Variants in POLR1A observed in about 807,000 individuals in gnomAD.
POLR1A encodes DNA-directed RNA polymerase I subunit RPA1.
POLR1A carries 84 observed loss-of-function variants against 205.3 expected under a neutral mutation model. That is an observed-to-expected ratio of 0.41 (90% CI 0.34 to 0.49). The LOEUF (loss-of-function observed/expected upper bound fraction) is 0.49. POLR1A is among the 20% of genes least tolerant of loss of function. The probability of loss-of-function intolerance (pLI) is 0.22; values close to 1 mark genes in which losing one functional copy is unlikely to be tolerated. For missense variants in POLR1A, 1,645 were observed against 2,204.5 expected (o/e 0.75, Z 5.08); for synonymous variants, 799 against 863.7 (o/e 0.93, Z 1.31).
At chr2:86,079,306 C>A (rs1006791539) in intron 9 of POLR1A, among the ~76,000 whole-genome samples, 4 of 152,204 alleles carry the variant, frequency 2.6e-5, no homozygotes, top group African/African-American at 9.6e-5. Context: ...GTTAGCCCAA[C>A]TCACTGCTCA....
rs761741834 is a variant in POLR1A, at chr2:86,070,001, C to CTCAA, written c.1866+13_1866+16dup. On this transcript the variant is annotated intron_variant, in intron 13 of 33. Coordinates refer to ENST00000263857, the MANE Select transcript of POLR1A (RefSeq NM_015425.6). This position sits in a 1 kb window ranked among gnomAD's most constrained non-coding sequence, Gnocchi z 4.4. ...ATGCTGACGATGACCACGGAACAGCCTCAAGGCCAGACCTACCTTGGGAAC... is the reference window on the plus strand; with the variant it reads ...ATGCTGACGATGACCACGGAACAGCCTCAATCAAGGCCAGACCTACCTTGGGAAC... The CTCAA allele has an allele frequency of 1.2e-6, 2 of 1,608,486 alleles. No homozygotes were observed. The highest frequency in any genetic ancestry group is 2.2e-5 in the South Asian group (2 of 90,906).
In POLR1A at chr2:86,074,776, C is replaced by T. The variant is rs3770076; in HGVS notation, c.1611+254G>A. On this transcript the variant is annotated intron_variant, in intron 12 of 33. Coordinates refer to ENST00000263857, the MANE Select transcript of POLR1A (RefSeq NM_015425.6). ...AATTCAGTAGAGGTGGGGGGATGTGCATTGCTCACAAGCTCCAGGGCTGCT... is the reference window on the plus strand; with the variant it reads ...AATTCAGTAGAGGTGGGGGGATGTGTATTGCTCACAAGCTCCAGGGCTGCT... Among the ~76,000 whole-genome samples the T allele has an allele frequency of 6.4e-3, 971 of 152,264 alleles. 24 individuals are homozygous for T. In the East Asian group the frequency reaches 0.097, roughly 15 times the overall value.
At chr2:86,078,970 A>G (rs1673347063) in intron 9 of POLR1A, among the ~76,000 whole-genome samples, 1 of 152,102 alleles carries the variant, frequency 6.6e-6, no homozygotes, top group Non-Finnish European at 1.5e-5. Context: ...AGCACCACCT[A>G]TTGATACTGT....
At chr2:86,058,353 C>T (rs1672936613) in intron 14 of POLR1A, among the ~76,000 whole-genome samples, 1 of 150,584 alleles carries the variant, frequency 6.6e-6, no homozygotes, top group African/African-American at 2.4e-5. Flanking sequence ...GCCGCCTTGG[C>T]CTCCCAAAGT....
intron 9 of POLR1A, among the ~76,000 whole-genome samples, chr2:86,079,878 A>G (rs1366496508): frequency 6.6e-6 from 1 of 152,126 alleles, no homozygotes; most frequent in Non-Finnish European, 1.5e-5. Flanking sequence ...CCCGATTTTT[A>G]AGGGACATCA....
rs961459803 is a variant in POLR1A at position 86,082,484 on chromosome 2, G to A, written c.817+598C>T. Among the ~76,000 whole-genome samples, 31 of 150,686 alleles carry A rather than the reference G, an allele frequency of 2.1e-4. 2 individuals are homozygous for A. Among genetic ancestry groups the A allele is most frequent in the Admixed American group, 2.0e-3 (31 of 15,140 alleles). ...CTGGTTACTTTAAAAAATGCCTAGA[G>A]AAAAAGATTAAAATGTACTAGGGCC... On this transcript the variant is annotated intron_variant, in intron 7 of 33. Coordinates refer to ENST00000263857, the MANE Select transcript of POLR1A (RefSeq NM_015425.6).
chr2:86,097,234 A>AAAAAAAAAAAAC (rs1673721571), intron 3 of POLR1A, among the ~76,000 whole-genome samples: 1 of 147,710 alleles, frequency 6.8e-6, no homozygotes, highest in Non-Finnish European at 1.5e-5. Flanking sequence ...AAAAAAAAAA[A>AAAAAAAAAAAAC]AAAAAAAAGC....
At chr2:86,050,401 T>A (rs1558769031) in intron 16 of POLR1A, among the ~76,000 whole-genome samples, 1 of 152,140 alleles carries the variant, frequency 6.6e-6, no homozygotes, top group Non-Finnish European at 1.5e-5. Flanking sequence ...AAGAAACAGT[T>A]CCTCTGTAAG....
chr2:86,044,015 C>G, intron 22 of POLR1A, 124 bp downstream of exon 22: 1 of 842,964 alleles, frequency 1.2e-6, no homozygotes, highest in Non-Finnish European at 1.9e-6. Context: ...CTTATAAACC[C>G]TTCCCACTCT....
At chr2:86,082,359 T>C (rs565464803) in intron 7 of POLR1A, among the ~76,000 whole-genome samples, 4 of 152,232 alleles carry the variant, frequency 2.6e-5, no homozygotes, top group African/African-American at 9.6e-5. Context: ...ATAAAAAATA[T>C]GTTGAATAAA....
Position 86,031,432 on chromosome 2 carries a change from G to C in POLR1A, c.4476C>G (p.Pro1492=). 1.2e-6 allele frequency: 2 copies of C among 1,614,092 alleles called. No homozygotes were observed. The highest frequency in any genetic ancestry group is 1.7e-6 in the Non-Finnish European group (2 of 1,179,982). The change falls in exon 30 of 34, where the codon CCC becomes CCG. Residue 1492 remains proline (P), a synonymous_variant. Coordinates refer to ENST00000263857, the MANE Select transcript of POLR1A (RefSeq NM_015425.6). ...QPRKPTHSQE[P]QGPEAMERRV... is the part of the protein sequence containing the mutation. Reference sequence around the variant, plus strand: ...GGCGCTCCATGGCCTCGGGCCCCTGGGGCTCCTGGCTGTGGGTGGGTTTCC... The same window carrying C: ...GGCGCTCCATGGCCTCGGGCCCCTGCGGCTCCTGGCTGTGGGTGGGTTTCC...
rs1011690564 is a variant in POLR1A, at chr2:86,021,828, G to T, written c.*5595C>A. 1 of 152,178 alleles carries T rather than the reference G, an allele frequency of 6.6e-6. No individual in the cohort carries two copies. Among genetic ancestry groups the T allele is most frequent in the African/African-American group, 2.4e-5 (1 of 41,394 alleles). The allele number at this position is 152,178 out of a possible 1,614,324, so 9.4% of individuals were successfully genotyped here. ...GCTGGGACAAACCTCCCAGGCCATT[G>T]AGTCCAACTTGCGCGAAGATAGTCA... On this transcript the variant is annotated 3_prime_UTR_variant, in exon 34 of 34. Coordinates refer to ENST00000263857, the MANE Select transcript of POLR1A (RefSeq NM_015425.6).
intron 3 of POLR1A, among the ~76,000 whole-genome samples, chr2:86,097,311 T>C (rs1170864735): frequency 7.1e-6 from 1 of 141,652 alleles, no homozygotes; most frequent in African/African-American, 2.6e-5. Context: ...TAAACTAGTA[T>C]AGCCACTACG....
At position 86,088,912 on chromosome 2, in the gene POLR1A, T is replaced by C. The variant is rs748521459; in HGVS notation, c.541-42A>G. On this transcript the variant is annotated intron_variant, in intron 4 of 33. Transcript: ENST00000263857. ...AGTCAGAGAACCTTGGAGTGCCATTTTGAAGAGAATCCAATATATTTACTT... is the reference window on the plus strand; with the variant it reads ...AGTCAGAGAACCTTGGAGTGCCATTCTGAAGAGAATCCAATATATTTACTT... The C allele has an allele frequency of 1.7e-4, 233 of 1,360,962 alleles. No homozygotes were observed. The highest frequency in any genetic ancestry group is 2.3e-4 in the Non-Finnish European group (224 of 958,094). The allele number at this position is 1,360,962 out of a possible 1,614,324, so 84.3% of individuals were successfully genotyped here. A position where few individuals can be genotyped will look rare whatever the true frequency, so the allele number is the denominator to read the frequency against.
At chr2:86,068,391 G>GGGGGGT (rs1553436060) in intron 13 of POLR1A, among the ~76,000 whole-genome samples, 2 of 116,386 alleles carry the variant, frequency 1.7e-5, no homozygotes, top group African/African-American at 3.3e-5. Flanking sequence ...ATGGGCGGGG[G>GGGGGGT]GGGGGGGCGG....
intron 16 of POLR1A, 69 bp from the exon 17 acceptor site, chr2:86,049,311 T>C (rs1427716191): frequency 1.8e-6 from 2 of 1,092,098 alleles, no homozygotes; most frequent in Non-Finnish European, 2.8e-6. Context: ...CTAAACTCAG[T>C]AAGGCCAGAG....
chr2:86,044,483 A>C, intron 21 of POLR1A, 179 bp from the exon 22 acceptor site: 1 of 633,982 alleles, frequency 1.6e-6, no homozygotes, highest in Non-Finnish European at 2.7e-6. Flanking sequence ...AGTGTCCCCC[A>C]GCCAGGGGCT....
intron 15 of POLR1A, among the ~76,000 whole-genome samples, chr2:86,053,670 T>C (rs1672846812): frequency 6.6e-6 from 1 of 152,162 alleles, no homozygotes; most frequent in African/African-American, 2.4e-5. Flanking sequence ...TGATAACGCG[T>C]TGTGCACTGG....
rs185248979 is a variant in POLR1A, at chr2:86,104,516, C to T, written c.77+1184G>A. ...AGGCTGGAGTGCAGTGGCACAATCTCGGCTCACTGCAACCTCCGCCTCCTG... is the reference window on the plus strand; with the variant it reads ...AGGCTGGAGTGCAGTGGCACAATCTTGGCTCACTGCAACCTCCGCCTCCTG... On this transcript the variant is annotated intron_variant, in intron 1 of 33. Transcript: ENST00000263857. Among the ~76,000 whole-genome samples the T allele has an allele frequency of 3.0e-3, 442 of 147,394 alleles. 1 individual carries two copies. Among genetic ancestry groups the T allele is most frequent in the Non-Finnish European group, 5.5e-3 (372 of 67,522 alleles).
Sources: gnomAD v4.1 joint callset for allele counts (sites outside exome capture counted in the v4.1 genomes callset) on GRCh38, gnomAD v4.1.1 for gene constraint, Gnocchi (gnomAD v3.1) non-coding constraint, MANE v1.5 for transcripts, NCBI Gene and HGNC (gene_info 2026-07-23, HGNC 2026-07-21) for gene names.